The following DPH7 variants were observed in gnomAD, a reference collection of about 807,000 sequenced individuals.
The protein encoded by DPH7 is diphthine methyltransferase.
Under a neutral mutation model 41.7 loss-of-function variants are expected in DPH7, and 44 were observed. That is an observed-to-expected ratio of 1.05 (90% CI 0.83 to 1.36). DPH7 has a LOEUF of 1.36. Among genes scored for constraint, DPH7 ranks in the 40% most tolerant of loss-of-function variants. DPH7 has a pLI of 0.00. For synonymous variants in DPH7, 275 were observed against 238.0 expected (o/e 1.16, Z -1.43); for missense variants, 629 against 577.5 (o/e 1.09, Z -0.91).
chr9:137,577,354 GAA>G, intron 2 of DPH7, 114 bp downstream of exon 2: 1 of 1,107,622 alleles, frequency 9.0e-7, no homozygotes, highest in Non-Finnish European at 1.3e-6. Context: ...GGACAGCAAA[GAA>G]ACAAATCCAA....
At chr9:137,570,932 A>G (rs1840320736) in intron 5 of DPH7, among the ~76,000 whole-genome samples, 1 of 152,004 alleles carries the variant, frequency 6.6e-6, no homozygotes, top group Admixed American at 6.5e-5. Context: ...CCTATTACAT[A>G]TTATGCCTTG....
chr9:137,555,154 A>C lies in DPH7; in HGVS notation c.*85T>G, dbSNP rs1837236188. 2 of 1,468,944 alleles carry C rather than the reference A, an allele frequency of 1.4e-6. No homozygotes were observed. The highest frequency in any genetic ancestry group is 1.8e-6 in the Non-Finnish European group (2 of 1,099,708). The allele number at this position is 1,468,944 out of a possible 1,614,324, so 91.0% of individuals were successfully genotyped here. On this transcript the variant is annotated 3_prime_UTR_variant, in exon 9 of 9. Transcript: ENST00000277540. ...CACAGGCACCTGCAGGGCTGCAGTA[A>C]GCATCTCTGATGAGGTGGTCCCGGG...
chr9:137,564,751 C>T (rs1331602360), intron 7 of DPH7, 142 bp downstream of exon 7: 6 of 1,429,152 alleles, frequency 4.2e-6, no homozygotes, highest in Admixed American at 1.9e-5. Flanking sequence ...ACCCATATAC[C>T]TACACTCCGG....
chr9:137,559,611 C>A (rs1041740767), intron 8 of DPH7, among the ~76,000 whole-genome samples: 1 of 152,218 alleles, frequency 6.6e-6, no homozygotes, highest in Non-Finnish European at 1.5e-5. Flanking sequence ...TAGCAGTAGT[C>A]AATTAGTGAA....
chr9:137,575,323 T>C, intron 3 of DPH7: 1 of 988,370 alleles, frequency 1.0e-6, no homozygotes, highest in South Asian at 4.6e-5. Flanking sequence ...TGCAGATCTA[T>C]ATAAATTTCA....
At chr9:137,569,388 C>T (rs1588889005) in intron 5 of DPH7, among the ~76,000 whole-genome samples, 1 of 137,874 alleles carries the variant, frequency 7.3e-6, no homozygotes, top group Non-Finnish European at 1.6e-5. Context: ...CCACCCACCA[C>T]CCACCACCCA....
chr9:137,557,429 G>C (rs4962246), intron 8 of DPH7, among the ~76,000 whole-genome samples: 34,304 of 151,944 alleles, frequency 0.23, 4,093 homozygotes, highest in Admixed American at 0.34. Context: ...TTGCTTGAAC[G>C]TGGGAGGTGG....
At chr9:137,558,531 G>A (rs1000578224) in intron 8 of DPH7, among the ~76,000 whole-genome samples, 8 of 152,144 alleles carry the variant, frequency 5.3e-5, no homozygotes, top group Non-Finnish European at 1.0e-4. Flanking sequence ...CTCCAACAGG[G>A]GTGAACCTTG....
rs763370100 is a variant in DPH7 at position 137,565,147 on chromosome 9, G to A, written c.648C>T (p.Asp216=). The part of the protein sequence containing the change: ...WHPEIVYSGG[D]DGLLRGWDTR... ...TGTCCCAGCCCCTCAGAAGGCCATC[G>A]TCGCCCCCTGTGTGGAGAAAGAGAA... Residue 216 remains aspartate (D), a synonymous_variant, in exon 6 of 9, where the codon GAC becomes GAT. Coordinates refer to ENST00000277540, the MANE Select transcript of DPH7 (RefSeq NM_138778.5). The A allele has an allele frequency of 9.3e-6, 15 of 1,613,884 alleles. No homozygotes were observed. The highest frequency in any genetic ancestry group is 4.0e-5 in the African/African-American group (3 of 74,938).
intron 3 of DPH7, 138 bp downstream of exon 3, chr9:137,575,942 A>G (rs956215282): frequency 1.0e-5 from 15 of 1,479,088 alleles, no homozygotes; most frequent in East Asian, 2.4e-5. Flanking sequence ...TAGACTCCAC[A>G]TTATCTTAGA....
chr9:137,575,310 T>C, intron 3 of DPH7: 2 of 991,414 alleles, frequency 2.0e-6, no homozygotes, highest in Non-Finnish European at 1.2e-6. Flanking sequence ...TGGTTGCTCT[T>C]TATGCAGATC....
chr9:137,564,279 C>T (rs530329979), intron 8 of DPH7, among the ~76,000 whole-genome samples, 155 bp downstream of exon 8: 6 of 152,272 alleles, frequency 3.9e-5, no homozygotes, highest in Admixed American at 3.3e-4. Flanking sequence ...TGGATCACGA[C>T]CAAGTCTAGG....
At chr9:137,563,632 G>A (rs554875964) in intron 8 of DPH7, among the ~76,000 whole-genome samples, 1 of 152,250 alleles carries the variant, frequency 6.6e-6, no homozygotes, top group Non-Finnish European at 1.5e-5. Context: ...GGGAACAGGT[G>A]TGGGTCACCC....
At chr9:137,575,450 T>C (rs1841212793) in intron 3 of DPH7, 6 of 988,648 alleles carry the variant, frequency 6.1e-6, no homozygotes, top group Non-Finnish European at 7.2e-6. Context: ...TTCCTGTGGC[T>C]GCTCTTTCCC....
At position 137,560,878 on chromosome 9, in the gene DPH7, C is replaced by T. The variant is rs1241228425; in HGVS notation, c.949+3556G>A. ...CTCAAAAAAAAAAAAAAAAATTTGCCGGGCGTGGTGGTGGGCACCTGTAGT... is the reference window on the plus strand; with the variant it reads ...CTCAAAAAAAAAAAAAAAAATTTGCTGGGCGTGGTGGTGGGCACCTGTAGT... On this transcript the variant is annotated intron_variant, in intron 8 of 8. Transcript: ENST00000277540. Among the ~76,000 whole-genome samples, 5 of 149,912 alleles carry T rather than the reference C, an allele frequency of 3.3e-5. No individual in the cohort carries two copies. The East Asian group carries it at 5.9e-4, about 18-fold the overall frequency.
rs762154792 is a variant in DPH7 at position 137,574,193 on chromosome 9, T to C, written c.640+15A>G. 3.1e-6 allele frequency: 5 copies of C among 1,611,250 alleles called. No individual in the cohort carries two copies. The highest frequency in any genetic ancestry group is 3.4e-6 in the Non-Finnish European group (4 of 1,177,934). ...CAAGCCTTCCATCAGAGGTGACCGG[T>C]GGAGGAATACTGACCTGAATACACA... On this transcript the variant is annotated intron_variant, in intron 5 of 8. Coordinates refer to ENST00000277540, the MANE Select transcript of DPH7 (RefSeq NM_138778.5).
rs543072832 is a variant in DPH7 at position 137,571,444 on chromosome 9, T to C, written c.640+2764A>G. ...TCATGATCCGCCCATCTTGGCCTCC[T>C]AAAGTGCTGGGATTACAGGTGTGAG... On this transcript the variant is annotated intron_variant, in intron 5 of 8. Coordinates refer to ENST00000277540, the MANE Select transcript of DPH7 (RefSeq NM_138778.5). Among the ~76,000 whole-genome samples the C allele has an allele frequency of 3.9e-5, 6 of 152,188 alleles. No individual in the cohort carries two copies. The South Asian group carries it at 8.3e-4, about 21-fold the overall frequency.
At chr9:137,564,840 C>T in intron 7 of DPH7, 53 bp downstream of exon 7, 1 of 1,555,996 alleles carries the variant, frequency 6.4e-7, no homozygotes, top group Non-Finnish European at 8.7e-7. Flanking sequence ...CCAGGAGCCC[C>T]CCGGGGACAG....
At chr9:137,557,810 C>G (rs575070071) in intron 8 of DPH7, among the ~76,000 whole-genome samples, 1 of 151,894 alleles carries the variant, frequency 6.6e-6, no homozygotes, top group East Asian at 1.9e-4. Context: ...CAGAGCAAGA[C>G]TCTGTCTCAA....
Sources: gnomAD v4.1 joint callset for allele counts (sites outside exome capture counted in the v4.1 genomes callset) on GRCh38, gnomAD v4.1.1 for gene constraint, MANE v1.5 for transcripts, NCBI Gene and HGNC (gene_info 2026-07-23, HGNC 2026-07-21) for gene names.